The following CHD5 variants were observed in gnomAD, a reference collection of about 807,000 sequenced individuals.
CHD5 encodes ATP-dependent chromatin remodeler CHD5.
CHD5 carries 69 observed loss-of-function variants against 230.3 expected under a neutral mutation model. The observed-to-expected ratio is 0.30, with a 90% CI of 0.25 to 0.37. The LOEUF is 0.37. Among genes scored for constraint, CHD5 ranks in the 10% least tolerant of loss-of-function variants. CHD5 has a pLI of 1.00. For missense variants in CHD5, 1,827 were observed against 2,622.8 expected, an observed-to-expected ratio of 0.70 and a Z score of 6.63; for synonymous variants, 1,064 against 1,065.9, an observed-to-expected ratio of 1.00 and a Z score of 0.03.
intron 1 of CHD5, among the ~76,000 whole-genome samples, chr1:6,168,944 A>G (rs1477010475): frequency 6.6e-6 from 1 of 151,568 alleles, no homozygotes; most frequent in Admixed American, 6.6e-5. Flanking sequence ...GCTCAAACCC[A>G]GGAGGTGGAG....
At chr1:6,153,038 G>T (rs1007578981) in intron 5 of CHD5, among the ~76,000 whole-genome samples, 2 of 152,224 alleles carry the variant, frequency 1.3e-5, no homozygotes, top group Admixed American at 1.3e-4. Context: ...CAGGGCTGAG[G>T]CTGTTTTTAT....
Position 6,146,915 on chromosome 1 carries a change from G to T in CHD5, c.1384-44C>A, listed in dbSNP as rs770963102. On this transcript the variant is annotated intron_variant, in intron 9 of 41. Transcript: ENST00000262450. This position sits in a 1 kb window ranked among gnomAD's most constrained non-coding sequence, Gnocchi z 5.1. ...CCCCAAGGTGGGGCTCAGCTGCAGG[G>T]CCCCACCCTGAGGCTCCCATGACAG... 2.0e-5 allele frequency: 28 copies of T among 1,410,950 alleles called. No individual in the cohort carries two copies. In the African/African-American group the frequency reaches 3.3e-4, roughly 17 times the overall value. The allele number at this position is 1,410,950 out of a possible 1,614,324, so 87.4% of individuals were successfully genotyped here.
chr1:6,158,952 A>G (rs570988387), intron 3 of CHD5, among the ~76,000 whole-genome samples: 2 of 124,624 alleles, frequency 1.6e-5, no homozygotes, highest in East Asian at 4.9e-4. Flanking sequence ...GCTTGCAGTG[A>G]GCCGAGATCC....
rs567200676 is a variant in CHD5 at position 6,124,645 on chromosome 1, A to C, written c.4411T>G (p.Phe1471Val). 1.8e-5 allele frequency: 14 copies of C among 767,884 alleles called. No individual in the cohort carries two copies. Among genetic ancestry groups the C allele is most frequent in the Non-Finnish European group, 2.5e-5 (13 of 521,546 alleles). 47.6% of individuals were successfully genotyped at this position (767,884 alleles called of 1,614,324 possible). Reference sequence around the variant, plus strand: ...CCCGGCTCACACAGGTGCCGCATGAAGAGGGACACATAGGCTCTGGGGTGG... The same window carrying C: ...CCCGGCTCACACAGGTGCCGCATGACGAGGGACACATAGGCTCTGGGGTGG... ...EKEFRAYVSL[F>V]MRHLCEPGAD... The change falls in exon 30 of 42, where the codon TTC becomes GTC. Residue 1471 changes from phenylalanine to valine, a missense_variant. By Grantham distance (50) the Phe-to-Val change is conservative. This residue lies in a region of CHD5 where 108 missense variants were observed against 152.4 expected (regional missense o/e 0.71). Coordinates refer to ENST00000262450, the MANE Select transcript of CHD5 (RefSeq NM_015557.3).
Position 6,128,327 on chromosome 1 carries a change from C to T in CHD5, c.3731-109G>A, listed in dbSNP as rs1324624947. On this transcript the variant is annotated intron_variant, in intron 24 of 41. Transcript: ENST00000262450. This position sits in a 1 kb window ranked among gnomAD's most constrained non-coding sequence, Gnocchi z 7.8. ...CCCTTCCCATCCCCAGCAGGGGCTG[C>T]AGCTGAGAGGCATGGTGACCAGACA... is the stretch of plus-strand genomic sequence containing the variant. The T allele has an allele frequency of 2.5e-6, 3 of 1,209,550 alleles. No individual in the cohort carries two copies. Among genetic ancestry groups the T allele is most frequent in the Non-Finnish European group, 3.5e-6 (3 of 848,666 alleles). 74.9% of individuals were successfully genotyped at this position (1,209,550 alleles called of 1,614,324 possible).
Position 6,130,575 on chromosome 1 carries a change from G to A in CHD5, c.3263-247C>T, listed in dbSNP as rs1489203492. On this transcript the variant is annotated intron_variant, in intron 21 of 41. Coordinates refer to ENST00000262450, the MANE Select transcript of CHD5 (RefSeq NM_015557.3). This position sits in a 1 kb window ranked among gnomAD's most constrained non-coding sequence, Gnocchi z 4.9. ...TAGTGCAGTGGGAGGGCACTGGAAC[G>A]AGGAGGTCAATTTTCAAACCCCAGA... is the stretch of plus-strand genomic sequence containing the variant. Among the ~76,000 whole-genome samples the A allele has an allele frequency of 2.6e-5, 4 of 152,160 alleles. No individual in the cohort carries two copies. The highest frequency in any genetic ancestry group is 4.8e-5 in the African/African-American group (2 of 41,422).
chr1:6,153,442 T>C (rs1667035858), intron 5 of CHD5, among the ~76,000 whole-genome samples: 1 of 152,196 alleles, frequency 6.6e-6, no homozygotes, highest in African/African-American at 2.4e-5. Flanking sequence ...CTTCAGAGAC[T>C]TGGCATGGTG....
At chr1:6,176,737 T>C (rs1161544630) in intron 1 of CHD5, among the ~76,000 whole-genome samples, 1 of 152,190 alleles carries the variant, frequency 6.6e-6, no homozygotes, top group Non-Finnish European at 1.5e-5. Flanking sequence ...AATAACCCTC[T>C]ATGAGGTAGC....
At chr1:6,156,098 C>A (rs1056605095) in intron 3 of CHD5, among the ~76,000 whole-genome samples, 4 of 152,218 alleles carry the variant, frequency 2.6e-5, no homozygotes, top group African/African-American at 9.6e-5. Context: ...CCTCGGGACA[C>A]CAGGGCAGGA....
rs1666641899 is a variant in CHD5, at chr1:6,130,741, G to C, written c.3263-413C>G. ...GCCAGGGCAGCCCGGGAAAACTCAG[G>C]GGCGCAGCTCCGGGACCTGGGGTCC... On this transcript the variant is annotated intron_variant, in intron 21 of 41. Coordinates refer to ENST00000262450, the MANE Select transcript of CHD5 (RefSeq NM_015557.3). This position sits in a 1 kb window ranked among gnomAD's most constrained non-coding sequence, Gnocchi z 4.9. Among the ~76,000 whole-genome samples the C allele has an allele frequency of 6.6e-6, 1 of 152,146 alleles. No homozygotes were observed. Among genetic ancestry groups the C allele is most frequent in the African/African-American group, 2.4e-5 (1 of 41,444 alleles).
At chr1:6,117,025 G>C (rs973639526) in intron 33 of CHD5, among the ~76,000 whole-genome samples, 2 of 152,166 alleles carry the variant, frequency 1.3e-5, no homozygotes, top group African/African-American at 4.8e-5. Context: ...TATTACTCAG[G>C]GGTATACATG....
At chr1:6,166,059 A>AG (rs543334103) in intron 2 of CHD5, among the ~76,000 whole-genome samples, 10 of 151,708 alleles carry the variant, frequency 6.6e-5, no homozygotes, top group Admixed American at 5.2e-4. Flanking sequence ...CCCAGTGGTA[A>AG]GGGGGGGTTC....
chr1:6,166,491 A>C (rs1482266330), intron 2 of CHD5, among the ~76,000 whole-genome samples: 5 of 151,936 alleles, frequency 3.3e-5, no homozygotes, highest in African/African-American at 9.7e-5. Context: ...GGGGCGGTAC[A>C]CACCTGGGGC....
At chr1:6,166,068 T>A (rs1306511590) in intron 2 of CHD5, among the ~76,000 whole-genome samples, 1 of 151,632 alleles carries the variant, frequency 6.6e-6, no homozygotes, top group Non-Finnish European at 1.5e-5. Flanking sequence ...AAGGGGGGGT[T>A]CCCGGGAAGG....
chr1:6,122,309 C>A (rs1666484621), intron 31 of CHD5, among the ~76,000 whole-genome samples: 1 of 152,218 alleles, frequency 6.6e-6, no homozygotes, highest in Non-Finnish European at 1.5e-5. Context: ...GACACGGGCA[C>A]AAATGACCCA....
intron 1 of CHD5, 96 bp from the exon 2 acceptor site, chr1:6,168,373 G>T: frequency 7.0e-7 from 1 of 1,435,594 alleles, no homozygotes; most frequent in Non-Finnish European, 9.3e-7. Context: ...GGGACCCCCA[G>T]ACACCCAACT....
At chr1:6,174,872 G>A (rs1667397168) in intron 1 of CHD5, among the ~76,000 whole-genome samples, 1 of 150,170 alleles carries the variant, frequency 6.7e-6, no homozygotes, top group South Asian at 2.1e-4. Flanking sequence ...ATGGATGAAA[G>A]ATGAATGGAT....
intron 9 of CHD5, 143 bp downstream of exon 9, chr1:6,148,711 G>C (rs907811357): frequency 3.4e-6 from 2 of 589,434 alleles, no homozygotes; most frequent in Non-Finnish European, 5.5e-6. Flanking sequence ...CAGCGCGGGC[G>C]AAGCTTTGCG....
rs1325282487 is a variant in CHD5 at position 6,172,411 on chromosome 1, G to A, written c.80-4134C>T. Among the ~76,000 whole-genome samples the A allele has an allele frequency of 2.6e-5, 4 of 152,162 alleles. No homozygotes were observed. In the East Asian group the frequency reaches 7.7e-4, roughly 29 times the overall value. ...ATGATCATGGCTCACTGCAGGCCTC[G>A]ACCTCCTGGGCTCGAGCGACCCTCC... is the stretch of plus-strand genomic sequence containing the variant. On this transcript the variant is annotated intron_variant, in intron 1 of 41. Transcript: ENST00000262450.
Sources: gnomAD v4.1 joint callset for allele counts (sites outside exome capture counted in the v4.1 genomes callset) on GRCh38, gnomAD v4.1.1 for gene constraint, gnomAD v4.1.1 regional missense constraint, Gnocchi (gnomAD v3.1) non-coding constraint, MANE v1.5 for transcripts, NCBI Gene and HGNC (gene_info 2026-07-23, HGNC 2026-07-21) for gene names.